The following NOS1AP variants were observed in gnomAD, a reference collection of about 807,000 sequenced individuals.
NOS1AP encodes carboxyl-terminal PDZ ligand of neuronal nitric oxide synthase protein.
A neutral mutation model predicts 56.2 loss-of-function variants in NOS1AP; 21 were observed. That is an observed-to-expected ratio of 0.37 (90% CI 0.26 to 0.54). NOS1AP has a LOEUF of 0.54. Among genes scored for constraint, NOS1AP ranks in the 20% least tolerant of loss-of-function variants. NOS1AP has a pLI of 0.84. For missense variants in NOS1AP, 522 were observed against 657.8 expected, an observed-to-expected ratio of 0.79 and a Z score of 2.26; for synonymous variants, 270 against 274.6, an observed-to-expected ratio of 0.98 and a Z score of 0.17.
chr1:162,164,890 G>A (rs1035726973), intron 2 of NOS1AP, among the ~76,000 whole-genome samples: 3 of 152,148 alleles, frequency 2.0e-5, no homozygotes, highest in Admixed American at 6.5e-5. Context: ...CTGCTGAAAG[G>A]CCCTGATTTC....
intron 2 of NOS1AP, among the ~76,000 whole-genome samples, chr1:162,234,354 G>A (rs1653219249): frequency 6.6e-6 from 1 of 152,186 alleles, no homozygotes; most frequent in African/African-American, 2.4e-5. Context: ...CCATGCTAAG[G>A]AGTGTTCCTA....
intron 2 of NOS1AP, among the ~76,000 whole-genome samples, chr1:162,176,574 T>C (rs1557820488): frequency 6.8e-6 from 1 of 146,272 alleles, no homozygotes; most frequent in Non-Finnish European, 1.5e-5. Flanking sequence ...AGTGGTGTGA[T>C]CTTGGCTCAC....
intron 6 of NOS1AP, among the ~76,000 whole-genome samples, chr1:162,350,418 AT>A (rs1159149133): frequency 6.6e-6 from 1 of 151,720 alleles, no homozygotes; most frequent in Admixed American, 6.6e-5. Context: ...CTTTTGTATC[AT>A]TTGGCAGCAG....
chr1:162,252,891 G>T (rs1330523588), intron 2 of NOS1AP, among the ~76,000 whole-genome samples: 1 of 152,198 alleles, frequency 6.6e-6, no homozygotes, highest in Non-Finnish European at 1.5e-5. Flanking sequence ...TATTGTATTG[G>T]ATAGCACAGG....
intron 5 of NOS1AP, among the ~76,000 whole-genome samples, chr1:162,333,582 A>T (rs1234432473): frequency 6.6e-6 from 1 of 152,176 alleles, no homozygotes; most frequent in African/African-American, 2.4e-5. Context: ...AGTAAATGCA[A>T]CTTTGAGGAT....
chr1:162,339,710 G>T (rs1180110984), intron 5 of NOS1AP, among the ~76,000 whole-genome samples: 1 of 152,216 alleles, frequency 6.6e-6, no homozygotes, highest in Non-Finnish European at 1.5e-5. Context: ...CAGCGTGTGT[G>T]ATTCTTGCAT....
At chr1:162,121,729 A>G (rs1461413026) in intron 1 of NOS1AP, among the ~76,000 whole-genome samples, 1 of 152,204 alleles carries the variant, frequency 6.6e-6, no homozygotes, top group East Asian at 1.9e-4. Context: ...AAAGTTAGCA[A>G]TCATTACTTT....
chr1:162,310,885 G>A (rs541108374), intron 4 of NOS1AP, among the ~76,000 whole-genome samples: 27 of 102,744 alleles, frequency 2.6e-4, no homozygotes, highest in African/African-American at 9.1e-4. Context: ...CTCTCTGTTC[G>A]CTGACTCTCT....
chr1:162,287,072 T>C (rs1452409868), intron 2 of NOS1AP, among the ~76,000 whole-genome samples: 1 of 152,194 alleles, frequency 6.6e-6, no homozygotes, highest in Non-Finnish European at 1.5e-5. Flanking sequence ...TGATTTTTTA[T>C]GGGATATTCC....
chr1:162,200,302 T>C (rs1237619479), intron 2 of NOS1AP, among the ~76,000 whole-genome samples: 1 of 152,194 alleles, frequency 6.6e-6, no homozygotes, highest in African/African-American at 2.4e-5. Context: ...GTCCCAGAAC[T>C]TGGCTTTTGA....
intron 1 of NOS1AP, among the ~76,000 whole-genome samples, chr1:162,073,574 C>T (rs1454599299): frequency 6.6e-6 from 1 of 152,178 alleles, no homozygotes; most frequent in East Asian, 1.9e-4. Flanking sequence ...GATTCTCCTG[C>T]CTCAGCCTCC....
At chr1:162,147,323 C>T (rs924117425) in intron 1 of NOS1AP, among the ~76,000 whole-genome samples, 1 of 132,622 alleles carries the variant, frequency 7.5e-6, no homozygotes, top group Non-Finnish European at 1.6e-5. Flanking sequence ...CAGAGCGAGA[C>T]TCCGTCTCAA....
intron 1 of NOS1AP, among the ~76,000 whole-genome samples, chr1:162,075,575 T>C (rs1462189199): frequency 6.6e-6 from 1 of 152,248 alleles, no homozygotes; most frequent in Non-Finnish European, 1.5e-5. Context: ...ACCATTCCAC[T>C]ATACACTGGG....
intron 2 of NOS1AP, among the ~76,000 whole-genome samples, chr1:162,199,638 G>GTC (rs1390917161): frequency 3.4e-5 from 4 of 115,956 alleles, no homozygotes; most frequent in Non-Finnish European, 7.0e-5. Context: ...GTGTGTGTGT[G>GTC]TGTCTGTGTG....
At chr1:162,200,791 C>T (rs1651968614) in intron 2 of NOS1AP, among the ~76,000 whole-genome samples, 1 of 152,160 alleles carries the variant, frequency 6.6e-6, no homozygotes, top group Admixed American at 6.5e-5. Context: ...TTGGAGGAAA[C>T]AGGAACTGAG....
intron 2 of NOS1AP, among the ~76,000 whole-genome samples, chr1:162,189,856 A>G (rs1651562196): frequency 6.6e-6 from 1 of 152,206 alleles, no homozygotes; most frequent in South Asian, 2.1e-4. Flanking sequence ...GAATATTGCC[A>G]ATGAGCCAGG....
intron 8 of NOS1AP, among the ~76,000 whole-genome samples, chr1:162,359,726 G>C (rs1418204304): frequency 1.3e-5 from 2 of 151,264 alleles, no homozygotes; most frequent in East Asian, 1.9e-4. Flanking sequence ...ACGCGGGGGG[G>C]GGCTGATTTC....
At chr1:162,360,169 G>T (rs1190179105) in intron 8 of NOS1AP, among the ~76,000 whole-genome samples, 8 of 152,096 alleles carry the variant, frequency 5.3e-5, no homozygotes, top group Admixed American at 5.2e-4. Context: ...TCTCAAAGGG[G>T]CCCGCCCTGA....
intron 2 of NOS1AP, among the ~76,000 whole-genome samples, chr1:162,254,228 C>T (rs1435792238): frequency 5.9e-5 from 9 of 152,140 alleles, no homozygotes; most frequent in South Asian, 2.1e-4. Flanking sequence ...TTTAAGTCCT[C>T]ATTAAATGTG....
Sources: gnomAD v4.1 joint callset for allele counts (sites outside exome capture counted in the v4.1 genomes callset) on GRCh38, gnomAD v4.1.1 for gene constraint, MANE v1.5 for transcripts, NCBI Gene and HGNC (gene_info 2026-07-23, HGNC 2026-07-21) for gene names.